The following GTF2IRD1 variants were observed in gnomAD, a reference collection of about 807,000 sequenced individuals.
GTF2IRD1 encodes general transcription factor II-I repeat domain-containing protein 1.
In GTF2IRD1, 26 loss-of-function variants were observed where a neutral mutation model predicts 113.2. That is an observed-to-expected ratio of 0.23 (90% CI 0.17 to 0.32). The LOEUF is 0.32. GTF2IRD1 is among the 10% of genes least tolerant of loss of function. The pLI is 1.00. For missense variants in GTF2IRD1, 864 were observed against 1,280.8 expected (o/e 0.67, Z 4.97); for synonymous variants, 484 against 529.1 (o/e 0.91, Z 1.17).
At chr7:74,543,368 G>A (rs1235229602) in intron 14 of GTF2IRD1, among the ~76,000 whole-genome samples, 3 of 152,170 alleles carry the variant, frequency 2.0e-5, no homozygotes, top group African/African-American at 7.2e-5. Flanking sequence ...AGCTACTCAG[G>A]AGGCTGAGGC....
At chr7:74,517,982 G>A (rs587751791) in intron 4 of GTF2IRD1, among the ~76,000 whole-genome samples, 157 bp from the exon 5 acceptor site, 15 of 152,228 alleles carry the variant, frequency 9.9e-5, no homozygotes, top group East Asian at 7.8e-4. Flanking sequence ...GCCTGCAGGC[G>A]GTTATTCTGC....
intron 16 of GTF2IRD1, 84 bp downstream of exon 16, chr7:74,545,893 C>T: frequency 1.0e-6 from 1 of 981,306 alleles, no homozygotes; most frequent in Non-Finnish European, 1.6e-6. Context: ...GGTCGCATCC[C>T]CTTGCCTGTT....
intron 22 of GTF2IRD1, among the ~76,000 whole-genome samples, chr7:74,572,774 G>A (rs1198615349): frequency 1.3e-5 from 2 of 151,884 alleles, no homozygotes; most frequent in Admixed American, 1.3e-4. Context: ...CAATTCCAGC[G>A]CCAGCCACAT....
chr7:74,464,269 A>C (rs1445330466), intron 1 of GTF2IRD1, among the ~76,000 whole-genome samples: 1 of 152,182 alleles, frequency 6.6e-6, no homozygotes, highest in Non-Finnish European at 1.5e-5. Context: ...CAGGTTTGCC[A>C]GGTGGGCATG....
chr7:74,476,945 C>A (rs1048920117), intron 1 of GTF2IRD1, among the ~76,000 whole-genome samples: 4 of 152,168 alleles, frequency 2.6e-5, no homozygotes. Flanking sequence ...CAGCGTCCCA[C>A]AGCATCTAAA....
chr7:74,494,947 G>A (rs934155084), intron 1 of GTF2IRD1, among the ~76,000 whole-genome samples: 9 of 152,056 alleles, frequency 5.9e-5, no homozygotes, highest in Non-Finnish European at 1.3e-4. Flanking sequence ...GAGATGGGGG[G>A]TCTCACTATG....
At chr7:74,510,166 G>A (rs1438648779) in intron 2 of GTF2IRD1, among the ~76,000 whole-genome samples, 7 of 152,144 alleles carry the variant, frequency 4.6e-5, no homozygotes, top group African/African-American at 1.2e-4. Context: ...CCCCTATGCA[G>A]AGTGACTTTC....
At chr7:74,515,735 C>A in intron 4 of GTF2IRD1, 139 bp downstream of exon 4, 1 of 671,198 alleles carries the variant, frequency 1.5e-6, no homozygotes. Flanking sequence ...TACTGGCTAC[C>A]CCAGCCCTTC....
chr7:74,498,724 A>AGTT lies in GTF2IRD1; in HGVS notation c.-6-9350_-6-9348dup, dbSNP rs1384086202. Among the ~76,000 whole-genome samples, 5 of 128,698 alleles carry AGTT rather than the reference A, an allele frequency of 3.9e-5. No individual in the cohort carries two copies. In the South Asian group the frequency reaches 1.2e-3, roughly 31 times the overall value. 84.4% of individuals were successfully genotyped at this position (128,698 alleles called of 152,430 possible). On this transcript the variant is annotated intron_variant, in intron 1 of 26. Transcript: ENST00000424337. ...GCTTGTCCTTCTTTCGTGGTCCTGT[A>AGTT]GTTCTTTTTTTTTTTTTTAAATAAG...
chr7:74,567,931 G>A (rs1266096028), intron 22 of GTF2IRD1, among the ~76,000 whole-genome samples: 86 of 152,076 alleles, frequency 5.7e-4, no homozygotes, highest in African/African-American at 1.9e-3. Flanking sequence ...GATTACAGGC[G>A]CGTGCTATCG....
At chr7:74,544,858 C>T (rs1457937199) in intron 15 of GTF2IRD1, 56 bp downstream of exon 15, 2 of 1,415,174 alleles carry the variant, frequency 1.4e-6, no homozygotes, top group Admixed American at 1.8e-5. Context: ...ATCTCTCTTC[C>T]CCTGCCGCCC....
At chr7:74,561,526 T>G (rs1799966189) in intron 22 of GTF2IRD1, among the ~76,000 whole-genome samples, 1 of 137,706 alleles carries the variant, frequency 7.3e-6, no homozygotes, top group Non-Finnish European at 1.6e-5. Flanking sequence ...GAGAGGAGGG[T>G]GGGTTTGGCG....
At chr7:74,559,794 T>A (rs1192148040) in intron 22 of GTF2IRD1, 139 bp downstream of exon 22, 4 of 631,454 alleles carry the variant, frequency 6.3e-6, no homozygotes, top group Middle Eastern at 8.9e-4. Flanking sequence ...TTTTTTTTTT[T>A]TCTGAGGCAG....
chr7:74,481,273 GCTTT>G (rs1318330729), intron 1 of GTF2IRD1, among the ~76,000 whole-genome samples: 1 of 152,212 alleles, frequency 6.6e-6, no homozygotes, highest in Non-Finnish European at 1.5e-5. Flanking sequence ...TCCCACCTCA[GCTTT>G]CTGAGTAGCT....
chr7:74,512,286 A>T lies in GTF2IRD1; in HGVS notation c.124-544A>T, dbSNP rs183053283. 6.6e-6 allele frequency among the ~76,000 whole-genome samples: 1 copy of T among 152,314 alleles called. No homozygotes were observed. Among genetic ancestry groups the T allele is most frequent in the East Asian group, 1.9e-4 (1 of 5,182 alleles). ...AGAATCGCTTGAACCTGGGAGGCAG[A>T]GGTTGCAGTGAACCAAGATTGTGCC... is the stretch of plus-strand genomic sequence containing the variant. On this transcript the variant is annotated intron_variant, in intron 2 of 26. Coordinates refer to ENST00000424337, the MANE Select transcript of GTF2IRD1 (RefSeq NM_005685.4). This position sits in a 1 kb window ranked among gnomAD's most constrained non-coding sequence, Gnocchi z 4.4.
At chr7:74,560,499 A>G in intron 22 of GTF2IRD1, among the ~76,000 whole-genome samples, 1 of 146,970 alleles carries the variant, frequency 6.8e-6, no homozygotes, top group South Asian at 2.1e-4. Context: ...TAATAAAAAT[A>G]TTATATATAA....
At chr7:74,490,554 GC>G (rs1323675481) in intron 1 of GTF2IRD1, among the ~76,000 whole-genome samples, 1 of 71,346 alleles carries the variant, frequency 1.4e-5, no homozygotes, top group Non-Finnish European at 3.1e-5. Context: ...CCCCCCCCCC[GC>G]CCGCCTTCCA....
intron 24 of GTF2IRD1, among the ~76,000 whole-genome samples, chr7:74,594,391 T>C (rs1196012972): frequency 6.6e-6 from 1 of 151,578 alleles, no homozygotes; most frequent in Non-Finnish European, 1.5e-5. Flanking sequence ...AAAATAATAA[T>C]TGATAATAAT....
intron 2 of GTF2IRD1, among the ~76,000 whole-genome samples, chr7:74,510,105 G>C (rs1796538761): frequency 6.6e-6 from 1 of 152,110 alleles, no homozygotes; most frequent in South Asian, 2.1e-4. Context: ...AGCGGTGGGA[G>C]ACACCCCTGG....
Sources: allele counts gnomAD v4.1 joint callset (sites outside exome capture counted in the v4.1 genomes callset), GRCh38; gene constraint gnomAD v4.1.1; non-coding constraint Gnocchi (gnomAD v3.1); transcripts MANE v1.5; gene names NCBI Gene and HGNC (gene_info 2026-07-23, HGNC 2026-07-21).